Variants in CAPSL observed in about 807,000 individuals in gnomAD.
CAPSL encodes calcyphosin-like protein.
In CAPSL, 17 loss-of-function variants were observed where a neutral mutation model predicts 21.3. That is an observed-to-expected ratio of 0.80 (90% CI 0.55 to 1.20). The LOEUF (loss-of-function observed/expected upper bound fraction) is 1.20. CAPSL is among the 50% of genes most tolerant of loss of function. The pLI is 0.00. For synonymous variants in CAPSL, 102 were observed against 89.3 expected (o/e 1.14, Z -0.80); for missense variants, 289 against 259.3 (o/e 1.11, Z -0.79).
chr5:35,916,396 C>T (rs1367474822), intron 2 of CAPSL, among the ~76,000 whole-genome samples: 1 of 152,132 alleles, frequency 6.6e-6, no homozygotes, highest in Non-Finnish European at 1.5e-5. Context: ...AAAAAGAGCC[C>T]ACATTGCCAA....
At chr5:35,921,242 G>C in intron 1 of CAPSL, 122 bp from the exon 2 acceptor site, 2 of 1,257,590 alleles carry the variant, frequency 1.6e-6, no homozygotes, top group Non-Finnish European at 1.1e-6. Context: ...AAACCTCTCA[G>C]AATTTCCAAT....
intron 1 of CAPSL, among the ~76,000 whole-genome samples, chr5:35,922,121 G>T (rs1392959782): frequency 1.3e-5 from 2 of 150,774 alleles, no homozygotes; most frequent in African/African-American, 4.9e-5. Context: ...TGGCTTCGAG[G>T]CTCCCTCCCC....
chr5:35,922,505 C>T (rs375621720), intron 1 of CAPSL, among the ~76,000 whole-genome samples: 4 of 152,272 alleles, frequency 2.6e-5, no homozygotes, highest in East Asian at 3.9e-4. Flanking sequence ...GACCTGTCTA[C>T]GTCCCAGCTC....
chr5:35,916,244 C>T (rs889218794), intron 2 of CAPSL, among the ~76,000 whole-genome samples: 16 of 152,054 alleles, frequency 1.1e-4, no homozygotes, highest in African/African-American at 3.9e-4. Flanking sequence ...ACATTCCATG[C>T]TCATGGGTAG....
chr5:35,921,878 T>C (rs1013211466), intron 1 of CAPSL, among the ~76,000 whole-genome samples: 1 of 150,952 alleles, frequency 6.6e-6, no homozygotes, highest in African/African-American at 2.4e-5. Flanking sequence ...TCACAGCCTG[T>C]TTCCTCCTCT....
At chr5:35,935,634 C>T (rs560669930) in intron 1 of CAPSL, among the ~76,000 whole-genome samples, 1 of 152,266 alleles carries the variant, frequency 6.6e-6, no homozygotes, top group African/African-American at 2.4e-5. Flanking sequence ...GGTGCCCAGA[C>T]TGAAAGTTCA....
intron 4 of CAPSL, among the ~76,000 whole-genome samples, chr5:35,906,097 C>T (rs900716129): frequency 4.6e-5 from 7 of 152,190 alleles, no homozygotes; most frequent in Admixed American, 2.0e-4. Flanking sequence ...GAGTTACCCA[C>T]GAGACCCTGA....
intron 1 of CAPSL, among the ~76,000 whole-genome samples, chr5:35,922,034 G>T (rs892825183): frequency 6.6e-6 from 1 of 150,726 alleles, no homozygotes; most frequent in Non-Finnish European, 1.5e-5. Flanking sequence ...GAGGCAAGAG[G>T]CTCGAAGGAT....
intron 1 of CAPSL, among the ~76,000 whole-genome samples, chr5:35,935,754 C>G (rs372810670): frequency 5.3e-5 from 8 of 152,246 alleles, no homozygotes; most frequent in African/African-American, 1.9e-4. Flanking sequence ...CAGCCATTAC[C>G]TACCTCATTC....
At chr5:35,925,772 A>G (rs888682004) in intron 1 of CAPSL, among the ~76,000 whole-genome samples, 3 of 152,178 alleles carry the variant, frequency 2.0e-5, no homozygotes, top group Non-Finnish European at 2.9e-5. Context: ...CTTCTTAAAA[A>G]ACAGGAGACC....
intron 1 of CAPSL, among the ~76,000 whole-genome samples, chr5:35,927,953 A>G (rs1319345011): frequency 6.6e-6 from 1 of 152,220 alleles, no homozygotes; most frequent in Non-Finnish European, 1.5e-5. Flanking sequence ...TTGTGCTGCT[A>G]GAACAAAATA....
intron 2 of CAPSL, among the ~76,000 whole-genome samples, chr5:35,915,929 G>C (rs1470727617): frequency 2.0e-5 from 3 of 152,170 alleles, no homozygotes; most frequent in African/African-American, 7.2e-5. Flanking sequence ...AATTGTCCCT[G>C]TTTGCAGATG....
At chr5:35,922,755 G>T (rs184839715) in intron 1 of CAPSL, among the ~76,000 whole-genome samples, 1 of 152,120 alleles carries the variant, frequency 6.6e-6, no homozygotes, top group South Asian at 2.1e-4. Flanking sequence ...AATAACTGGC[G>T]TTTGCTTATT....
intron 2 of CAPSL, among the ~76,000 whole-genome samples, chr5:35,919,913 C>A (rs1219643097): frequency 2.0e-5 from 3 of 152,018 alleles, no homozygotes; most frequent in Non-Finnish European, 4.4e-5. Flanking sequence ...ACTGAGTGAA[C>A]CAGAGAGTGG....
intron 1 of CAPSL, among the ~76,000 whole-genome samples, chr5:35,921,767 G>A (rs1277402344): frequency 6.6e-6 from 1 of 152,044 alleles, no homozygotes; most frequent in African/African-American, 2.4e-5. Context: ...TTAGCTGGGG[G>A]CCTGGAGACC....
intron 4 of CAPSL, among the ~76,000 whole-genome samples, chr5:35,905,972 T>TG (rs1290465553): frequency 2.0e-5 from 3 of 152,218 alleles, no homozygotes; most frequent in Admixed American, 6.5e-5. Flanking sequence ...GTAATTTAAC[T>TG]GGGAATATCA....
Position 35,909,825 on chromosome 5 carries a change from G to T in CAPSL, c.525+41C>A, listed in dbSNP as rs763138649. On this transcript the variant is annotated intron_variant, in intron 4 of 4. Coordinates refer to ENST00000651391, the MANE Select transcript of CAPSL (RefSeq NM_001042625.2). ...GGACCTATTTCCCATTTACAATTTC[G>T]AATTGAAGAAATTTCCCCTAGATTA... 7.9e-6 allele frequency: 12 copies of T among 1,517,542 alleles called. No homozygotes were observed. In the East Asian group the frequency reaches 1.4e-4, roughly 17 times the overall value. The allele number at this position is 1,517,542 out of a possible 1,614,324, so 94.0% of individuals were successfully genotyped here. A position where few individuals can be genotyped will look rare whatever the true frequency, so the allele number is the denominator to read the frequency against.
At chr5:35,914,487 A>G (rs1738317643) in intron 2 of CAPSL, among the ~76,000 whole-genome samples, 1 of 152,234 alleles carries the variant, frequency 6.6e-6, no homozygotes, top group Non-Finnish European at 1.5e-5. Flanking sequence ...AATGTAAAAG[A>G]ACAGAAATTA....
chr5:35,933,789 T>G (rs934706815), intron 1 of CAPSL, among the ~76,000 whole-genome samples: 3 of 152,198 alleles, frequency 2.0e-5, no homozygotes, highest in African/African-American at 7.2e-5. Context: ...CAAACTACAC[T>G]TTTTAGTTTG....
Sources: allele counts gnomAD v4.1 joint callset (sites outside exome capture counted in the v4.1 genomes callset), GRCh38; gene constraint gnomAD v4.1.1; transcripts MANE v1.5; gene names NCBI Gene and HGNC (gene_info 2026-07-23, HGNC 2026-07-21).